SRPRA: variants seen among roughly 807,000 people sequenced by gnomAD.
SRPRA encodes signal recognition particle receptor subunit alpha.
A neutral mutation model predicts 61.1 loss-of-function variants in SRPRA; 30 were observed. That is an observed-to-expected ratio of 0.49 (90% CI 0.37 to 0.67). The LOEUF (loss-of-function observed/expected upper bound fraction) is 0.67. Ranked by LOEUF, SRPRA falls within the 30% of genes least tolerant of loss-of-function variation. The pLI, the probability that SRPRA is intolerant of heterozygous loss-of-function variation, is 0.00. For missense variants in SRPRA, 759 were observed against 828.4 expected (o/e 0.92, Z 1.03); for synonymous variants, 324 against 299.7 (o/e 1.08, Z -0.84).
the SRPRA span, among the ~76,000 whole-genome samples, chr11:126,257,605 A>ATT: frequency 4.3e-3 from 602 of 140,916 alleles, 7 homozygotes; most frequent in East Asian, 6.9e-3. Context: ...AGAATTGTAC[A>ATT]TTTTTTTTTT....
Position 126,266,502 on chromosome 11 carries a change from C to A in SRPRA, c.814G>T (p.Ala272Ser). ...AGGTTGATGTCCTCAGACAAGGCAG[C>A]CTCAGGGGTTCCATTGGTGGTGGGA... ...STPTTNGTPE[A>S]ALSEDINLIR... Residue 272 changes from alanine to serine, a missense_variant, in exon 6 of 14, where the codon GCT becomes TCT. Ala to Ser is a moderately conservative substitution (Grantham distance 99). This residue lies in a region of SRPRA where 475 missense variants were observed against 462.5 expected (regional missense o/e 1.03). Coordinates refer to ENST00000332118, the MANE Select transcript of SRPRA (RefSeq NM_003139.4). 1 of 1,614,074 alleles carries A rather than the reference C, an allele frequency of 6.2e-7. No individual in the cohort carries two copies. The highest frequency in any genetic ancestry group is 8.5e-7 in the Non-Finnish European group (1 of 1,179,960).
At chr11:126,241,693 G>A in the SRPRA span, among the ~76,000 whole-genome samples, 1 of 152,124 alleles carries the variant, frequency 6.6e-6, no homozygotes, top group East Asian at 1.9e-4. Flanking sequence ...GGGATTACAG[G>A]CATGTGCCAC....
Position 126,267,173 on chromosome 11 carries a change from G to A in SRPRA, c.526+2C>T, listed in dbSNP as rs1262814356. ...CAGTATATCCAAAGAACTCAAACTT[G>A]CCTTCCTTCTTGGCCCCCTTTTTTT... On this transcript the variant is annotated splice_donor_variant, in intron 4 of 13. Coordinates refer to ENST00000332118, the MANE Select transcript of SRPRA (RefSeq NM_003139.4). LOFTEE classifies it low-confidence loss of function (GC_TO_GT_DONOR). The surrounding 1 kb of genome is among the most constrained non-coding windows in gnomAD (Gnocchi z 4.2). The A allele has an allele frequency of 6.2e-7, 1 of 1,613,804 alleles. No homozygotes were observed. Among genetic ancestry groups the A allele is most frequent in the East Asian group, 2.2e-5 (1 of 44,898 alleles).
downstream of SRPRA, among the ~76,000 whole-genome samples, chr11:126,259,761 C>T (rs1354310284): frequency 7.0e-6 from 1 of 143,128 alleles, no homozygotes; most frequent in Non-Finnish European, 1.5e-5. Flanking sequence ...CTCTCTGTCA[C>T]CCAGGCTAGA....
At chr11:126,260,464 C>G (rs1950665980), downstream of SRPRA, 1 of 149,688 alleles carries the variant, frequency 6.7e-6, no homozygotes, top group Non-Finnish European at 1.5e-5. Context: ...TCCCTATCTT[C>G]ATAACCACTA....
the SRPRA span, among the ~76,000 whole-genome samples, chr11:126,247,534 C>T: frequency 7.2e-5 from 11 of 152,004 alleles, no homozygotes; most frequent in Non-Finnish European, 1.5e-4. Flanking sequence ...GCCTTTTTAT[C>T]GGTGTGTGTA....
At chr11:126,255,197 T>C in the SRPRA span, among the ~76,000 whole-genome samples, 1 of 152,342 alleles carries the variant, frequency 6.6e-6, no homozygotes, top group South Asian at 2.1e-4. The surrounding 1 kb of genome is among the most constrained non-coding windows in gnomAD (Gnocchi z 4.6). Flanking sequence ...GAAAAGCTTA[T>C]TGATCTTTTG....
At chr11:126,237,215 CTTTTTTTTTTTT>C in the SRPRA span, among the ~76,000 whole-genome samples, 1 of 43,100 alleles carries the variant, frequency 2.3e-5, no homozygotes, top group South Asian at 1.7e-3. Flanking sequence ...CGCGCCTGGC[CTTTTTTTTTTTT>C]TTTTTTTTTT....
chr11:126,263,837 C>T lies in SRPRA; in HGVS notation c.*79G>A, dbSNP rs935804412. ...TACTACACTGAAGACAGGTTGCTCA[C>T]ATACTCTAAAGCACATTCTTGATAC... is the stretch of plus-strand genomic sequence containing the variant. On this transcript the variant is annotated 3_prime_UTR_variant, in exon 14 of 14. Coordinates refer to ENST00000332118, the MANE Select transcript of SRPRA (RefSeq NM_003139.4). 6.4e-7 allele frequency: 1 copy of T among 1,571,796 alleles called. No individual in the cohort carries two copies. Among genetic ancestry groups the T allele is most frequent in the African/African-American group, 1.4e-5 (1 of 73,692 alleles).
At chr11:126,256,515 T>C in the SRPRA span, 2 of 1,560,268 alleles carry the variant, frequency 1.3e-6, no homozygotes, top group Non-Finnish European at 1.7e-6. This position sits in a 1 kb window ranked among gnomAD's most constrained non-coding sequence, Gnocchi z 6.6. Flanking sequence ...TGTTTCAGAC[T>C]TGCCTTGAGT....
At chr11:126,256,801 C>A in the SRPRA span, 2 of 1,613,770 alleles carry the variant, frequency 1.2e-6, no homozygotes, top group South Asian at 1.1e-5. This position sits in a 1 kb window ranked among gnomAD's most constrained non-coding sequence, Gnocchi z 6.6. Flanking sequence ...TGCCGATCTT[C>A]CAGAATATTT....
At chr11:126,266,383 T>C (rs1950811036) in intron 6 of SRPRA, 93 bp downstream of exon 6, 1 of 1,588,710 alleles carries the variant, frequency 6.3e-7, no homozygotes, top group Non-Finnish European at 8.6e-7. Flanking sequence ...CAAGTATAAC[T>C]TACCCCTCAT....
intron 5 of SRPRA, 57 bp from the exon 6 acceptor site, chr11:126,266,686 G>C: frequency 6.2e-7 from 1 of 1,608,306 alleles, no homozygotes. Context: ...GGAAACATGA[G>C]CCAGAGACCA....
downstream of SRPRA, chr11:126,262,247 C>G (rs902014782): frequency 1.6e-4 from 195 of 1,216,666 alleles, no homozygotes; most frequent in Non-Finnish European, 2.2e-4. Flanking sequence ...TAACAATAGC[C>G]AGAGGTTGAA....
chr11:126,255,707 C>T, the SRPRA span, among the ~76,000 whole-genome samples: 1 of 152,322 alleles, frequency 6.6e-6, no homozygotes, highest in Admixed American at 6.5e-5. This position sits in a 1 kb window ranked among gnomAD's most constrained non-coding sequence, Gnocchi z 4.6. Flanking sequence ...AATCCCAACA[C>T]TTTGGGAGGC....
rs1422266256 is a variant in SRPRA at position 126,264,928 on chromosome 11, A to G, written c.1525+31T>C. ...AACCCAAGGAGAAAAAGGGACCCCA[A>G]ATAAGCCCCCACACTTCCCATGCAC... On this transcript the variant is annotated intron_variant, in intron 11 of 13. Transcript: ENST00000332118. This position sits in a 1 kb window ranked among gnomAD's most constrained non-coding sequence, Gnocchi z 5.0. 1 of 1,592,690 alleles carries G rather than the reference A, an allele frequency of 6.3e-7. No homozygotes were observed. Among genetic ancestry groups the G allele is most frequent in the African/African-American group, 1.3e-5 (1 of 74,214 alleles).
Position 126,267,523 on chromosome 11 carries a change from G to A in SRPRA, c.365+26C>T, listed in dbSNP as rs764270192. 3.7e-6 allele frequency: 6 copies of A among 1,612,610 alleles called. No homozygotes were observed. The highest frequency in any genetic ancestry group is 1.7e-4 in the Middle Eastern group (1 of 6,058). ...GGTCATCAAATCATGGAAATAAATT[G>A]ATTTTAGAGAAGGCAGGTCTCTCAC... On this transcript the variant is annotated intron_variant, in intron 3 of 13. Coordinates refer to ENST00000332118, the MANE Select transcript of SRPRA (RefSeq NM_003139.4). This position sits in a 1 kb window ranked among gnomAD's most constrained non-coding sequence, Gnocchi z 4.2.
chr11:126,261,199 C>G (rs1210462155), downstream of SRPRA: 1 of 521,270 alleles, frequency 1.9e-6, no homozygotes, highest in Non-Finnish European at 3.4e-6. Flanking sequence ...TACAAGCAAT[C>G]GTAGTGCACT....
chr11:126,265,155 T>C lies in SRPRA; in HGVS notation c.1329A>G (p.Leu443=), dbSNP rs951725799. ...TNLAKISFWL[L]ENGFSVLIAA... ...CAATGAGGACACTGAAGCCATTCTC[T>C]AACAACCAGAAGGAAATCTGTGAAA... is the stretch of plus-strand genomic sequence containing the variant. The change falls in exon 11 of 14, where the codon TTA becomes TTG. Residue 443 remains leucine (L), a synonymous_variant. Coordinates refer to ENST00000332118, the MANE Select transcript of SRPRA (RefSeq NM_003139.4). This position sits in a 1 kb window ranked among gnomAD's most constrained non-coding sequence, Gnocchi z 6.3. 3.1e-6 allele frequency: 5 copies of C among 1,614,052 alleles called. No homozygotes were observed. The African/African-American group carries it at 5.3e-5, about 17-fold the overall frequency.
Sources: gnomAD v4.1 joint callset for allele counts (sites outside exome capture counted in the v4.1 genomes callset) on GRCh38, gnomAD v4.1.1 for gene constraint, gnomAD v4.1.1 regional missense constraint, Gnocchi (gnomAD v3.1) non-coding constraint, MANE v1.5 for transcripts, NCBI Gene and HGNC (gene_info 2026-07-23, HGNC 2026-07-21) for gene names.